NFIA: variants seen among roughly 807,000 people sequenced by gnomAD.
NFIA encodes nuclear factor I A.
NFIA carries 8 observed loss-of-function variants against 62.8 expected under a neutral mutation model. The ratio of observed to expected loss-of-function variants is 0.13; its 90% confidence interval spans 0.07 to 0.23. The LOEUF (loss-of-function observed/expected upper bound fraction) is 0.23, where lower values mean the gene tolerates loss of function less well. Ranked by LOEUF, NFIA falls within the 10% of genes least tolerant of loss-of-function variation. The pLI is 1.00. For synonymous variants in NFIA, 235 were observed against 238.1 expected, an observed-to-expected ratio of 0.99 and a Z score of 0.12; for missense variants, 410 against 642.1, an observed-to-expected ratio of 0.64 and a Z score of 3.91.
chr1:61,382,209 A>ATTGTTTT (rs1326370004), intron 6 of NFIA, among the ~76,000 whole-genome samples: 1 of 152,160 alleles, frequency 6.6e-6, no homozygotes, highest in Non-Finnish European at 1.5e-5. Context: ...GCACCCTATC[A>ATTGTTTT]AACTGATAGA....
intron 2 of NFIA, among the ~76,000 whole-genome samples, chr1:61,266,011 G>A (rs1657138892): frequency 6.6e-6 from 1 of 152,192 alleles, no homozygotes; most frequent in Non-Finnish European, 1.5e-5. Context: ...TGAAATGAGA[G>A]TCTTAGCCTT....
At chr1:61,427,186 G>C (rs1666907180) in intron 10 of NFIA, among the ~76,000 whole-genome samples, 1 of 152,136 alleles carries the variant, frequency 6.6e-6, no homozygotes, top group African/African-American at 2.4e-5. Flanking sequence ...TCCAGAGCTT[G>C]TCTGCCCATA....
intron 2 of NFIA, among the ~76,000 whole-genome samples, chr1:61,241,234 G>T (rs1655330417): frequency 1.3e-5 from 2 of 151,978 alleles, no homozygotes; most frequent in South Asian, 4.2e-4. Context: ...TGTGTTTTTG[G>T]CCATCTTTCT....
chr1:61,107,330 C>T (rs1455652861), intron 2 of NFIA, among the ~76,000 whole-genome samples: 2 of 151,556 alleles, frequency 1.3e-5, no homozygotes, highest in East Asian at 3.9e-4. Flanking sequence ...TCTGCATTCT[C>T]TCCAGAATTT....
chr1:61,125,951 A>G (rs1162436292), intron 2 of NFIA, among the ~76,000 whole-genome samples: 1 of 152,134 alleles, frequency 6.6e-6, no homozygotes, highest in Non-Finnish European at 1.5e-5. Flanking sequence ...GGTGGGGATG[A>G]AGGTTTGCAG....
chr1:61,250,731 A>T (rs1201009508), intron 2 of NFIA, among the ~76,000 whole-genome samples: 2 of 152,242 alleles, frequency 1.3e-5, no homozygotes, highest in Non-Finnish European at 2.9e-5. Context: ...ATTGAAAAAG[A>T]TACTATAAAA....
rs143652143 is a variant in NFIA at position 61,307,036 on chromosome 1, C to T, written c.626-25476C>T. ...AAGTATTGGGTTGGTGAATGCAGCA[C>T]AGATTACCTATTTAAATTAAAGCTG... On this transcript the variant is annotated intron_variant, in intron 3 of 10. Transcript: ENST00000403491. Among the ~76,000 whole-genome samples, 325 of 152,246 alleles carry T rather than the reference C, an allele frequency of 2.1e-3. 2 individuals are homozygous for T. The highest frequency in any genetic ancestry group is 3.4e-3 in the Non-Finnish European group (234 of 68,026).
intron 2 of NFIA, among the ~76,000 whole-genome samples, chr1:61,127,586 C>T (rs1331450887): frequency 6.6e-6 from 1 of 152,050 alleles, no homozygotes; most frequent in Non-Finnish European, 1.5e-5. Flanking sequence ...ATCACTAGAC[C>T]GTGTATTTCA....
At chr1:61,253,768 G>A (rs150429660) in intron 2 of NFIA, among the ~76,000 whole-genome samples, 18 of 152,088 alleles carry the variant, frequency 1.2e-4, no homozygotes, top group African/African-American at 4.3e-4. Context: ...GAATGACCAC[G>A]TCTAAATAAA....
At chr1:61,318,821 T>G (rs1229303468) in intron 3 of NFIA, among the ~76,000 whole-genome samples, 1 of 152,152 alleles carries the variant, frequency 6.6e-6, no homozygotes, top group African/African-American at 2.4e-5. Context: ...TTTGCCCGAC[T>G]CAAGGTATTT....
chr1:61,360,032 T>G (rs1663199439), intron 6 of NFIA, among the ~76,000 whole-genome samples: 1 of 152,198 alleles, frequency 6.6e-6, no homozygotes, highest in Non-Finnish European at 1.5e-5. Flanking sequence ...AGACTCAGAT[T>G]TTTATATAAT....
At chr1:61,085,274 A>G (rs1053193678) in intron 1 of NFIA, among the ~76,000 whole-genome samples, 1 of 152,200 alleles carries the variant, frequency 6.6e-6, no homozygotes, top group Admixed American at 6.5e-5. Flanking sequence ...TACTGTCCAT[A>G]TAATGATAAC....
intron 3 of NFIA, among the ~76,000 whole-genome samples, chr1:61,285,247 A>G (rs748745151): frequency 9.9e-5 from 15 of 151,794 alleles, no homozygotes; most frequent in South Asian, 8.4e-4. Flanking sequence ...CACTTTTCAT[A>G]CCTCCCCATC....
chr1:61,341,633 A>G (rs1413010523), intron 4 of NFIA, among the ~76,000 whole-genome samples: 2 of 152,132 alleles, frequency 1.3e-5, no homozygotes, highest in African/African-American at 2.4e-5. Flanking sequence ...ACGCGTTGCC[A>G]CATCCAACTA....
chr1:61,451,957 GA>G (rs1668076874), intron 10 of NFIA, among the ~76,000 whole-genome samples: 1 of 152,134 alleles, frequency 6.6e-6, no homozygotes, highest in South Asian at 2.1e-4. Flanking sequence ...CCCAACGATC[GA>G]ATAAGCTCAG....
At chr1:61,452,594 C>T (rs1449171189) in intron 10 of NFIA, among the ~76,000 whole-genome samples, 1 of 152,154 alleles carries the variant, frequency 6.6e-6, no homozygotes, top group Non-Finnish European at 1.5e-5. Context: ...AGCTCAGCCC[C>T]TCTGTTGACA....
At chr1:61,219,722 AAAAAG>A (rs1215828566) in intron 2 of NFIA, among the ~76,000 whole-genome samples, 2 of 148,886 alleles carry the variant, frequency 1.3e-5, no homozygotes, top group African/African-American at 5.1e-5. Context: ...TCAAAAAAAA[AAAAAG>A]AAAAAAGGCG....
At chr1:61,114,411 G>A (rs1646762267) in intron 2 of NFIA, among the ~76,000 whole-genome samples, 4 of 152,116 alleles carry the variant, frequency 2.6e-5, no homozygotes, top group Admixed American at 1.3e-4. Context: ...GATCACTTGA[G>A]CAGGGAGATT....
At chr1:61,101,687 GAA>G (rs1293800405) in intron 2 of NFIA, among the ~76,000 whole-genome samples, 1 of 152,052 alleles carries the variant, frequency 6.6e-6, no homozygotes. Flanking sequence ...CTCCTTCTTG[GAA>G]AAAAGTTAGC....
Sources: gnomAD v4.1 joint callset for allele counts (sites outside exome capture counted in the v4.1 genomes callset) on GRCh38, gnomAD v4.1.1 for gene constraint, MANE v1.5 for transcripts, NCBI Gene and HGNC (gene_info 2026-07-23, HGNC 2026-07-21) for gene names.